CCDC7: variants seen among roughly 807,000 people sequenced by gnomAD.
The protein encoded by CCDC7 is coiled-coil domain-containing protein 7.
In CCDC7, 183 loss-of-function variants were observed where a neutral mutation model predicts 196.9. The ratio of observed to expected loss-of-function variants is 0.93; its 90% CI spans 0.82 to 1.05. The LOEUF (loss-of-function observed/expected upper bound fraction) is 1.05. Among genes scored for constraint, CCDC7 ranks in the 50% least tolerant of loss-of-function variants. The pLI, the probability that CCDC7 is intolerant of heterozygous loss-of-function variation, is 0.00. For synonymous variants in CCDC7, 525 were observed against 484.6 expected (o/e 1.08, Z -1.10); for missense variants, 1,540 against 1,482.2 (o/e 1.04, Z -0.64).
chr10:32,487,881 G>A (rs534340482), intron 8 of CCDC7, among the ~76,000 whole-genome samples: 1 of 152,184 alleles, frequency 6.6e-6, no homozygotes, highest in Non-Finnish European at 1.5e-5. Context: ...CATGTGAAGT[G>A]TCAGTCTGCC....
chr10:32,773,224 G>C (rs796895977), intron 28 of CCDC7, among the ~76,000 whole-genome samples: 18 of 152,188 alleles, frequency 1.2e-4, no homozygotes, highest in African/African-American at 4.3e-4. Context: ...ACCATGTTTG[G>C]GATAATTTCA....
intron 28 of CCDC7, among the ~76,000 whole-genome samples, chr10:32,761,012 A>G (rs2077384185): frequency 6.6e-6 from 1 of 152,026 alleles, no homozygotes; most frequent in African/African-American, 2.4e-5. Context: ...ATGGCAATAT[A>G]TTAATAATGT....
intron 41 of CCDC7, among the ~76,000 whole-genome samples, chr10:32,874,373 A>C (rs1054946518): frequency 1.3e-5 from 2 of 151,414 alleles, no homozygotes; most frequent in African/African-American, 4.8e-5. Context: ...ATTTTAGTGC[A>C]CCCATCACCT....
At chr10:32,463,154 C>A in intron 5 of CCDC7, 105 bp downstream of exon 6, 1 of 1,409,780 alleles carries the variant, frequency 7.1e-7, no homozygotes, top group Non-Finnish European at 9.7e-7. Context: ...TTTTGAATAA[C>A]TGTTGGTTAT....
intron 18 of CCDC7, among the ~76,000 whole-genome samples, chr10:32,590,960 A>G (rs1219954155): frequency 6.6e-6 from 1 of 151,984 alleles, no homozygotes; most frequent in African/African-American, 2.4e-5. Flanking sequence ...GCCTTGAGGT[A>G]GTTTTCTTTG....
chr10:32,797,137 G>A lies in CCDC7; in HGVS notation c.3014-7878G>A, dbSNP rs1056718388. Among the ~76,000 whole-genome samples the A allele has an allele frequency of 2.0e-5, 3 of 151,752 alleles. No homozygotes were observed. The South Asian group carries it at 6.3e-4, about 32-fold the overall frequency. ...CCAACCTAAATGCCCATCAATCAACGAGTGGATAAACTGTGGTATGTGTAT... is the reference window on the plus strand; with the variant it reads ...CCAACCTAAATGCCCATCAATCAACAAGTGGATAAACTGTGGTATGTGTAT... On this transcript the variant is annotated intron_variant, in intron 29 of 41. Transcript: ENST00000639629.
At chr10:32,728,755 AT>A in intron 26 of CCDC7, 131 bp from the exon 28 acceptor site, 3 of 491,536 alleles carry the variant, frequency 6.1e-6, no homozygotes, top group Non-Finnish European at 1.1e-5. Flanking sequence ...CATTAAAATT[AT>A]TCTATTTTTG....
intron 9 of CCDC7, among the ~76,000 whole-genome samples, chr10:32,507,085 C>A (rs538861221): frequency 1.3e-5 from 2 of 151,352 alleles, no homozygotes; most frequent in South Asian, 2.1e-4. Flanking sequence ...TTCTGCCTCC[C>A]GGGTTCAAGT....
At chr10:32,842,917 T>C (rs1284570937) in intron 33 of CCDC7, among the ~76,000 whole-genome samples, 2 of 151,792 alleles carry the variant, frequency 1.3e-5, no homozygotes. Flanking sequence ...AAGAATGGTA[T>C]GTTGGACTTT....
chr10:32,688,801 A>C (rs1347159446), intron 22 of CCDC7, among the ~76,000 whole-genome samples: 1 of 152,188 alleles, frequency 6.6e-6, no homozygotes, highest in East Asian at 1.9e-4. Flanking sequence ...AAAATATAAA[A>C]AACCTAAGAA....
chr10:32,504,111 G>T, intron 9 of CCDC7, among the ~76,000 whole-genome samples: 1 of 130,048 alleles, frequency 7.7e-6, no homozygotes, highest in South Asian at 2.5e-4. Context: ...ATTATTTATT[G>T]CTGGTTTTTT....
chr10:32,861,817 GATC>G (rs1437816510), intron 41 of CCDC7, among the ~76,000 whole-genome samples: 1 of 151,866 alleles, frequency 6.6e-6, no homozygotes, highest in Non-Finnish European at 1.5e-5. Context: ...ATGAAAAAAA[GATC>G]ATCATCACTG....
chr10:32,854,690 G>A (rs1038051078), intron 41 of CCDC7, among the ~76,000 whole-genome samples: 1 of 152,058 alleles, frequency 6.6e-6, no homozygotes, highest in African/African-American at 2.4e-5. Flanking sequence ...ATAACCACAG[G>A]CTTATATGCT....
intron 39 of CCDC7, among the ~76,000 whole-genome samples, chr10:32,850,558 A>G (rs576204894): frequency 3.3e-5 from 5 of 152,302 alleles, no homozygotes; most frequent in African/African-American, 1.2e-4. Context: ...ACTGAAATCA[A>G]TCCACCACAG....
chr10:32,803,300 AT>A (rs1202358350), intron 29 of CCDC7, among the ~76,000 whole-genome samples: 2 of 152,042 alleles, frequency 1.3e-5, no homozygotes, highest in Admixed American at 1.3e-4. Context: ...TTCTTTGTTG[AT>A]TTTCTGTCTA....
At chr10:32,730,159 C>T (rs559391047) in intron 28 of CCDC7, among the ~76,000 whole-genome samples, 3 of 152,090 alleles carry the variant, frequency 2.0e-5, no homozygotes, top group Non-Finnish European at 4.4e-5. Context: ...TCTTGCCCCC[C>T]ACTCCAGACA....
chr10:32,846,842 A>G (rs867536092), intron 37 of CCDC7, among the ~76,000 whole-genome samples: 3 of 152,212 alleles, frequency 2.0e-5, no homozygotes, highest in African/African-American at 7.2e-5. Context: ...ATAACACATA[A>G]TTATTTCACT....
chr10:32,700,640 T>A (rs1219790932), intron 24 of CCDC7, among the ~76,000 whole-genome samples: 3 of 152,204 alleles, frequency 2.0e-5, no homozygotes, highest in Non-Finnish European at 2.9e-5. Flanking sequence ...ATAAATTACC[T>A]TGGGGAATAT....
intron 18 of CCDC7, among the ~76,000 whole-genome samples, chr10:32,601,410 G>A (rs2060986614): frequency 6.6e-6 from 1 of 152,192 alleles, no homozygotes; most frequent in African/African-American, 2.4e-5. Context: ...CTTTTGGTTT[G>A]CTGTAAACTT....
Sources: allele counts gnomAD v4.1 joint callset (sites outside exome capture counted in the v4.1 genomes callset), GRCh38; gene constraint gnomAD v4.1.1; transcripts MANE v1.5; gene names NCBI Gene and HGNC (gene_info 2026-07-23, HGNC 2026-07-21).